The following DYNC1I1 variants were observed in gnomAD, a reference collection of about 807,000 sequenced individuals.
DYNC1I1 encodes the protein cytoplasmic dynein 1 intermediate chain 1.
A neutral mutation model predicts 86.6 loss-of-function variants in DYNC1I1; 43 were observed. The observed-to-expected ratio is 0.50, with a 90% CI of 0.39 to 0.64. The LOEUF is 0.64. Ranked by LOEUF, DYNC1I1 falls within the 30% of genes least tolerant of loss-of-function variation. DYNC1I1 has a pLI of 0.00. For missense variants in DYNC1I1, 604 were observed against 788.8 expected (o/e 0.77, Z 2.81); for synonymous variants, 262 against 283.7 (o/e 0.92, Z 0.77).
chr7:95,849,431 A>T (rs1157170413), intron 5 of DYNC1I1, among the ~76,000 whole-genome samples: 1 of 152,136 alleles, frequency 6.6e-6, no homozygotes, highest in South Asian at 2.1e-4. Context: ...ATTCTTCTGC[A>T]TGTGGATATC....
At chr7:96,106,511 G>C (rs1267255940) in intron 16 of DYNC1I1, among the ~76,000 whole-genome samples, 2 of 151,752 alleles carry the variant, frequency 1.3e-5, no homozygotes, top group Non-Finnish European at 2.9e-5. Flanking sequence ...CTCCAGCCTG[G>C]GCAACAAGAG....
At chr7:96,067,804 C>G (rs1790039089) in intron 14 of DYNC1I1, among the ~76,000 whole-genome samples, 1 of 152,104 alleles carries the variant, frequency 6.6e-6, no homozygotes, top group Admixed American at 6.5e-5. Context: ...TTTTCCTTTT[C>G]ATTTTAATGA....
At chr7:95,951,621 A>G (rs1792556726) in intron 6 of DYNC1I1, among the ~76,000 whole-genome samples, 1 of 152,222 alleles carries the variant, frequency 6.6e-6, no homozygotes, top group Non-Finnish European at 1.5e-5. Flanking sequence ...TCTGAAACTT[A>G]TGCTTTAGCT....
chr7:95,990,917 C>T (rs1793713686), intron 9 of DYNC1I1, among the ~76,000 whole-genome samples: 1 of 152,028 alleles, frequency 6.6e-6, no homozygotes, highest in Admixed American at 6.6e-5. Context: ...GCAGCCCCAG[C>T]TATGTGGGAG....
At chr7:96,032,034 G>A (rs541349524) in intron 11 of DYNC1I1, among the ~76,000 whole-genome samples, 5 of 152,054 alleles carry the variant, frequency 3.3e-5, no homozygotes, top group East Asian at 1.9e-4. Context: ...TACTGCAAAC[G>A]GTATTTTGAA....
intron 14 of DYNC1I1, among the ~76,000 whole-genome samples, chr7:96,059,488 G>A (rs918805416): frequency 6.6e-6 from 1 of 152,086 alleles, no homozygotes; most frequent in African/African-American, 2.4e-5. Context: ...GAATGATCTA[G>A]GAATATTTAT....
chr7:95,928,266 A>C (rs1791798345), intron 6 of DYNC1I1, among the ~76,000 whole-genome samples: 1 of 152,210 alleles, frequency 6.6e-6, no homozygotes, highest in Non-Finnish European at 1.5e-5. Context: ...CCAAGTCCTC[A>C]TTTCTGGTGT....
intron 5 of DYNC1I1, among the ~76,000 whole-genome samples, chr7:95,862,482 C>T (rs1182882473): frequency 6.6e-6 from 1 of 152,054 alleles, no homozygotes; most frequent in Non-Finnish European, 1.5e-5. Flanking sequence ...GTCAGAGAAA[C>T]ACGAATCAAA....
chr7:96,080,493 G>C lies in DYNC1I1; in HGVS notation c.1776+5G>C. On this transcript the variant is annotated splice_donor_5th_base_variant and intron_variant, in intron 16 of 16. Transcript: ENST00000447467. ...TGGGTCTATGACGTTGGAGAGGTAC[G>C]TGTGTATTTGTGTTGTTGTTACTGT... 6.2e-7 allele frequency: 1 copy of C among 1,614,130 alleles called. No homozygotes were observed. The highest frequency in any genetic ancestry group is 8.5e-7 in the Non-Finnish European group (1 of 1,180,008).
At chr7:95,975,682 T>C (rs73397037) in intron 6 of DYNC1I1, among the ~76,000 whole-genome samples, 3,520 of 152,304 alleles carry the variant, frequency 0.023, 134 homozygotes, top group African/African-American at 0.08. Context: ...CCCATAGTTC[T>C]GGCCTTATCA....
At chr7:95,870,058 C>A in intron 6 of DYNC1I1, 60 bp downstream of exon 6, 1 of 1,421,754 alleles carries the variant, frequency 7.0e-7, no homozygotes. Context: ...TGGGAAGTAA[C>A]ATCTTTCTTG....
intron 1 of DYNC1I1, among the ~76,000 whole-genome samples, chr7:95,792,893 A>G (rs1794340527): frequency 6.6e-6 from 1 of 152,178 alleles, no homozygotes; most frequent in African/African-American, 2.4e-5. Flanking sequence ...CAAAGGCAAA[A>G]AAAAACCACT....
intron 14 of DYNC1I1, among the ~76,000 whole-genome samples, chr7:96,056,512 G>A (rs755875548): frequency 6.6e-6 from 1 of 152,064 alleles, no homozygotes; most frequent in Non-Finnish European, 1.5e-5. Flanking sequence ...CAGTTTCTCT[G>A]AGGTAGGTCT....
At chr7:95,798,293 T>C (rs1286087369) in intron 1 of DYNC1I1, among the ~76,000 whole-genome samples, 1 of 152,130 alleles carries the variant, frequency 6.6e-6, no homozygotes, top group Non-Finnish European at 1.5e-5. Context: ...TAACCCTCCT[T>C]TCACTGGCCA....
chr7:96,008,412 A>C (rs74683015), intron 10 of DYNC1I1, among the ~76,000 whole-genome samples: 1 of 150,894 alleles, frequency 6.6e-6, no homozygotes, highest in Non-Finnish European at 1.5e-5. Flanking sequence ...AGAGAAATAC[A>C]AAAAAAAAGG....
chr7:95,813,366 A>G (rs1194580420), intron 4 of DYNC1I1, 29 bp downstream of exon 4: 7 of 1,543,602 alleles, frequency 4.5e-6, no homozygotes, highest in Non-Finnish European at 6.1e-6. Flanking sequence ...AAAGGCCATG[A>G]TGGGTGTCAA....
At chr7:95,912,424 T>C (rs1283002919) in intron 6 of DYNC1I1, among the ~76,000 whole-genome samples, 3 of 152,214 alleles carry the variant, frequency 2.0e-5, no homozygotes, top group Non-Finnish European at 4.4e-5. Flanking sequence ...CTCCGTGGTA[T>C]GAGGACATTT....
chr7:95,831,523 T>A (rs192650679), intron 5 of DYNC1I1, among the ~76,000 whole-genome samples: 84 of 152,292 alleles, frequency 5.5e-4, no homozygotes, highest in Non-Finnish European at 7.4e-4. Context: ...GATATATATG[T>A]CCAGAAAAGG....
intron 4 of DYNC1I1, 90 bp downstream of exon 4, chr7:95,813,427 T>C: frequency 7.5e-6 from 11 of 1,462,558 alleles, no homozygotes; most frequent in Non-Finnish European, 1.0e-5. Context: ...TACTGTGAAA[T>C]GTGCATGTAT....
Sources: allele counts gnomAD v4.1 joint callset (sites outside exome capture counted in the v4.1 genomes callset), GRCh38; gene constraint gnomAD v4.1.1; transcripts MANE v1.5; gene names NCBI Gene and HGNC (gene_info 2026-07-23, HGNC 2026-07-21).